The following ADH6 variants were observed in gnomAD, a reference collection of about 807,000 sequenced individuals.
The protein encoded by ADH6 is alcohol dehydrogenase 6 (class V).
A neutral mutation model predicts 36.5 loss-of-function variants in ADH6; 34 were observed. The observed-to-expected ratio is 0.93, with a 90% confidence interval of 0.71 to 1.24. The LOEUF (loss-of-function observed/expected upper bound fraction) is 1.24. Among genes scored for constraint, ADH6 ranks in the 50% most tolerant of loss-of-function variants. ADH6 has a pLI of 0.00. For missense variants in ADH6, 440 were observed against 447.0 expected (o/e 0.98, Z 0.14); for synonymous variants, 161 against 155.5 (o/e 1.04, Z -0.26).
chr4:99,204,407 A>C, intron 8 of ADH6, 164 bp from the exon 9 acceptor site: 1 of 1,414,320 alleles, frequency 7.1e-7, no homozygotes. Context: ...TTAAAATGAC[A>C]TGAAACTCCA....
chr4:99,211,782 G>A (rs1560807160), intron 3 of ADH6, among the ~76,000 whole-genome samples: 1 of 152,070 alleles, frequency 6.6e-6, no homozygotes, highest in Non-Finnish European at 1.5e-5. Flanking sequence ...GGATTTAGTG[G>A]GCCATGGCTG....
intron 8 of ADH6, chr4:99,204,508 G>A: frequency 2.3e-6 from 3 of 1,288,598 alleles, no homozygotes; most frequent in East Asian, 3.3e-5. Flanking sequence ...GTCAAAGATA[G>A]GATTCAGAAT....
intron 8 of ADH6, chr4:99,204,720 A>T: frequency 7.9e-7 from 1 of 1,273,198 alleles, no homozygotes; most frequent in Non-Finnish European, 9.9e-7. Context: ...TGAACACTTA[A>T]ATACTTTCAG....
intron 5 of ADH6, 56 bp downstream of exon 5, chr4:99,210,026 C>T (rs1731166821): frequency 5.8e-6 from 9 of 1,538,864 alleles, no homozygotes; most frequent in South Asian, 5.6e-5. Flanking sequence ...ATGCAAGAGG[C>T]CTTTCAACTC....
rs368944189 is a variant in ADH6 at position 99,219,233 on chromosome 4, C to T, written c.-81G>A. ...TTTCACTGTAGAAAGTACAAAGGTA[C>T]ACAGGCGACTGGTAGATCAGAAGGC... On this transcript the variant is annotated 5_prime_UTR_variant, in exon 1 of 9. Transcript: ENST00000394899. The T allele has an allele frequency of 7.7e-6, 10 of 1,303,212 alleles. No individual in the cohort carries two copies. Among genetic ancestry groups the T allele is most frequent in the Non-Finnish European group, 1.1e-5 (10 of 902,350 alleles). 80.7% of individuals were successfully genotyped at this position (1,303,212 alleles called of 1,614,324 possible).
At position 99,213,676 on chromosome 4, in the gene ADH6, G is replaced by A. The variant is rs769057484; in HGVS notation, c.192C>T (p.Pro64=). 3 of 1,613,678 alleles carry A rather than the reference G, an allele frequency of 1.9e-6. No individual in the cohort carries two copies. The highest frequency in any genetic ancestry group is 2.5e-6 in the Non-Finnish European group (3 of 1,179,892). Residue 64 remains proline (P), a synonymous_variant, in exon 3 of 9, where the codon CCC becomes CCT. Transcript: ENST00000394899. ...LGSKHLDLLY[P]TILGHEGAGI... is the part of the protein sequence containing the mutation. ...CAGCCCCTTCATGGCCCAAGATGGT[G>A]GGATACAAGAGGTCCAAGTGTTTAC...
Position 99,213,681 on chromosome 4 carries a change from A to C in ADH6, c.187T>G (p.Tyr63Asp), listed in dbSNP as rs1488376677. The stretch of plus-strand genomic sequence containing the variant: ...CCTTCATGGCCCAAGATGGTGGGAT[A>C]CAAGAGGTCCAAGTGTTTACTCCCC... ...VLGSKHLDLL[Y>D]PTILGHEGAG... Residue 63 changes from tyrosine (Y) to aspartate (D), a missense_variant, in exon 3 of 9, where the codon TAT (tyrosine) becomes GAT (aspartate). Coordinates refer to ENST00000394899, the MANE Select transcript of ADH6 (RefSeq NM_001102470.2). 6.2e-7 allele frequency: 1 copy of C among 1,613,988 alleles called. No homozygotes were observed.
intron 2 of ADH6, among the ~76,000 whole-genome samples, chr4:99,215,347 C>T (rs773174708): frequency 6.6e-6 from 1 of 152,156 alleles, no homozygotes; most frequent in Non-Finnish European, 1.5e-5. Context: ...AAAATAATAA[C>T]AAAGGACTCT....
intron 4 of ADH6, 33 bp downstream of exon 4, chr4:99,210,377 ATTAAG>A (rs773943178): frequency 5.1e-5 from 81 of 1,596,126 alleles, no homozygotes; most frequent in Non-Finnish European, 6.8e-5. Flanking sequence ...ATGAAAGTGA[ATTAAG>A]TTTTCAAAAA....
chr4:99,217,059 G>A (rs1731460355), intron 1 of ADH6, among the ~76,000 whole-genome samples: 1 of 151,952 alleles, frequency 6.6e-6, no homozygotes. Flanking sequence ...TTTTTGAGAT[G>A]GAGTCTCACT....
intron 3 of ADH6, among the ~76,000 whole-genome samples, chr4:99,211,975 G>T (rs947779875): frequency 6.6e-6 from 1 of 152,096 alleles, no homozygotes; most frequent in African/African-American, 2.4e-5. Context: ...CTGGCTACTC[G>T]CTTGATTTTG....
At chr4:99,207,757 G>A (rs192105682) in intron 6 of ADH6, among the ~76,000 whole-genome samples, 176 bp from the exon 7 acceptor site, 12 of 152,122 alleles carry the variant, frequency 7.9e-5, no homozygotes, top group Non-Finnish European at 1.3e-4. Context: ...CATATAAGAC[G>A]TTGTATGTTG....
chr4:99,204,152 GA>G lies in ADH6; in HGVS notation c.*66del. On this transcript the variant is annotated 3_prime_UTR_variant, in exon 9 of 9. Coordinates refer to ENST00000394899, the MANE Select transcript of ADH6 (RefSeq NM_001102470.2). ...TGGGTGAATAATTCTTCTAAATCAT[GA>G]AAATTACATCAAATGCCATTGAGTT... 2.6e-6 allele frequency: 4 copies of G among 1,530,620 alleles called. No homozygotes were observed. The highest frequency in any genetic ancestry group is 3.5e-6 in the Non-Finnish European group (4 of 1,130,080). 94.8% of individuals were successfully genotyped at this position (1,530,620 alleles called of 1,614,324 possible). A position where few individuals can be genotyped will look rare whatever the true frequency, so the allele number is the denominator to read the frequency against.
chr4:99,212,872 T>C (rs888496859), intron 3 of ADH6, among the ~76,000 whole-genome samples: 22 of 151,820 alleles, frequency 1.4e-4, no homozygotes, highest in Non-Finnish European at 2.9e-4. Flanking sequence ...CTTTTGGGGT[T>C]TTTTTTAAAC....
At chr4:99,216,793 T>C (rs72679847) in intron 1 of ADH6, among the ~76,000 whole-genome samples, 62,971 of 150,946 alleles carry the variant, frequency 0.42, 13,614 homozygotes, top group Admixed American at 0.52. Context: ...TGCAATGAGC[T>C]GAGATCATGC....
chr4:99,208,818 G>A lies in ADH6; in HGVS notation c.678C>T (p.Asn226=), dbSNP rs767413292. Residue 226 remains asparagine (N), a synonymous_variant, in exon 6 of 9, where the codon AAC becomes AAT. Coordinates refer to ENST00000394899, the MANE Select transcript of ADH6 (RefSeq NM_001102470.2). ...GAARIIGVDV[N]KEKFKKAQEL... ...CCTGTGCCTTCTTAAATTTCTCCTT[G>A]TTGACATCCACTCCAATGATCCTGG... 1.2e-6 allele frequency: 2 copies of A among 1,613,628 alleles called. No individual in the cohort carries two copies. Among genetic ancestry groups the A allele is most frequent in the African/African-American group, 1.3e-5 (1 of 74,838 alleles).
intron 6 of ADH6, among the ~76,000 whole-genome samples, chr4:99,207,870 T>A (rs1731091536): frequency 6.6e-6 from 1 of 152,224 alleles, no homozygotes; most frequent in African/African-American, 2.4e-5. Context: ...ATAATTTTTA[T>A]AAAAATTATT....
At chr4:99,205,151 T>C (rs1730980260) in intron 7 of ADH6, 88 bp from the exon 8 acceptor site, 1 of 1,401,772 alleles carries the variant, frequency 7.1e-7, no homozygotes. Flanking sequence ...AGTTGTTGGC[T>C]TTGACTGAGA....
chr4:99,208,687 A>G lies in ADH6; in HGVS notation c.809T>C (p.Ile270Thr), dbSNP rs1731121356. 3.7e-6 allele frequency: 6 copies of G among 1,612,910 alleles called. No homozygotes were observed. The highest frequency in any genetic ancestry group is 5.1e-6 in the Non-Finnish European group (6 of 1,179,516). The change falls in exon 6 of 9, where the codon ATT becomes ACT. Residue 270 changes from isoleucine (I) to threonine (T), a missense_variant. Coordinates refer to ENST00000394899, the MANE Select transcript of ADH6 (RefSeq NM_001102470.2). ...ACATACCAGAACGTCCAGATTTCCAATGGCCTCAAAGCAGAAGTCTATACC... is the reference window on the plus strand; with the variant it reads ...ACATACCAGAACGTCCAGATTTCCAGTGGCCTCAAAGCAGAAGTCTATACC... The part of the protein sequence containing the change: ...DAGIDFCFEA[I>T]GNLDVLAAAL...
Sources: allele counts gnomAD v4.1 joint callset (sites outside exome capture counted in the v4.1 genomes callset), GRCh38; gene constraint gnomAD v4.1.1; transcripts MANE v1.5; gene names NCBI Gene and HGNC (gene_info 2026-07-23, HGNC 2026-07-21).